TAX1BP1: variants seen among roughly 807,000 people sequenced by gnomAD.
TAX1BP1 encodes the protein tax1-binding protein 1.
In TAX1BP1, 62 loss-of-function variants were observed where a neutral mutation model predicts 97.7. That is an observed-to-expected ratio of 0.63 (90% CI 0.52 to 0.78). The LOEUF (loss-of-function observed/expected upper bound fraction) is 0.78, where lower values mean the gene tolerates loss of function less well. TAX1BP1 is among the 30% of genes least tolerant of loss of function. TAX1BP1 has a pLI of 0.00. For synonymous variants in TAX1BP1, 340 were observed against 304.2 expected (o/e 1.12, Z -1.23); for missense variants, 867 against 916.1 (o/e 0.95, Z 0.69).
In TAX1BP1 at chr7:27,816,440, A is replaced by C; in HGVS notation, c.1856A>C (p.Gln619Pro). ...CAATGTTTCAAAACATGCTCAGAGC[A>C]AAATGGTTATGTTCTCACATTGTCA... Reference protein sequence around the residue: ...SPQCFKTCSEQNGYVLTLSNA... With the variant: ...SPQCFKTCSEPNGYVLTLSNA... Residue 619 changes from glutamine to proline, a missense_variant, in exon 14 of 17, where the codon CAA becomes CCA. Around this residue, in one of 3 missense-constraint regions of TAX1BP1, gnomAD observed 822 missense variants for 851.4 expected, o/e 0.97. Transcript: ENST00000396319. 1 of 1,571,548 alleles carries C rather than the reference A, an allele frequency of 6.4e-7. No individual in the cohort carries two copies. Among genetic ancestry groups the C allele is most frequent in the Non-Finnish European group, 8.6e-7 (1 of 1,167,570 alleles).
chr7:27,789,719 T>C (rs991515762), intron 8 of TAX1BP1, among the ~76,000 whole-genome samples: 3 of 152,014 alleles, frequency 2.0e-5, no homozygotes, highest in Admixed American at 2.0e-4. Context: ...CTTATGATGT[T>C]ATTTTTAGTA....
intron 12 of TAX1BP1, among the ~76,000 whole-genome samples, chr7:27,797,862 C>CA (rs1358173300): frequency 2.8e-5 from 4 of 144,618 alleles, no homozygotes; most frequent in Admixed American, 1.4e-4. Flanking sequence ...TTTTTTTAAA[C>CA]AACCATATTG....
At chr7:27,788,623 A>G (rs1055967972) in intron 8 of TAX1BP1, among the ~76,000 whole-genome samples, 1 of 152,000 alleles carries the variant, frequency 6.6e-6, no homozygotes, top group South Asian at 2.1e-4. Flanking sequence ...TTTTTGCTGC[A>G]TATTATGCAT....
At chr7:27,805,323 G>A (rs147549981) in intron 13 of TAX1BP1, among the ~76,000 whole-genome samples, 1,985 of 152,028 alleles carry the variant, frequency 0.013, 40 homozygotes, top group African/African-American at 0.045. Context: ...TTTTTGGTTT[G>A]TTTTACTTAT....
At chr7:27,750,117 G>C (rs966156594) in intron 2 of TAX1BP1, among the ~76,000 whole-genome samples, 2 of 152,148 alleles carry the variant, frequency 1.3e-5, no homozygotes, top group African/African-American at 2.4e-5. Flanking sequence ...TTTTATGGGA[G>C]ATACTGGTAT....
chr7:27,791,856 A>G, intron 8 of TAX1BP1, 150 bp from the exon 9 acceptor site: 1 of 664,132 alleles, frequency 1.5e-6, no homozygotes, highest in East Asian at 2.7e-5. Flanking sequence ...TTACTTCTTA[A>G]GTTTTTTGTA....
chr7:27,787,700 C>T (rs897006412), intron 8 of TAX1BP1, 97 bp downstream of exon 8: 12 of 1,168,746 alleles, frequency 1.0e-5, no homozygotes, highest in Non-Finnish European at 1.3e-5. Flanking sequence ...AGCTTTTGTT[C>T]TAAAAAAGTT....
chr7:27,750,843 C>T (rs1357648837), intron 2 of TAX1BP1, among the ~76,000 whole-genome samples: 1 of 152,160 alleles, frequency 6.6e-6, no homozygotes, highest in Non-Finnish European at 1.5e-5. Flanking sequence ...CTTAATATCA[C>T]TAGTTCATGC....
At chr7:27,764,761 A>T (rs981731367) in intron 3 of TAX1BP1, among the ~76,000 whole-genome samples, 1 of 151,950 alleles carries the variant, frequency 6.6e-6, no homozygotes, top group Non-Finnish European at 1.5e-5. Flanking sequence ...GTTGATCATT[A>T]CGTTAGAAAG....
rs1782594623 is a variant in TAX1BP1 at position 27,829,008 on chromosome 7, T to C, written c.*179T>C. The C allele has an allele frequency of 2.0e-6, 1 of 488,604 alleles. No individual in the cohort carries two copies. Among genetic ancestry groups the C allele is most frequent in the Non-Finnish European group, 3.5e-6 (1 of 282,090 alleles). The allele number at this position is 488,604 out of a possible 1,614,324, so 30.3% of individuals were successfully genotyped here. On this transcript the variant is annotated 3_prime_UTR_variant, in exon 17 of 17. Coordinates refer to ENST00000396319, the MANE Select transcript of TAX1BP1 (RefSeq NM_006024.7). ...AGGATCAGGGTCAGTCTTTGGCTTA[T>C]CAATAAATTTTAATCTCTGTTAATC... is the stretch of plus-strand genomic sequence containing the variant.
rs748699408 is a variant in TAX1BP1 at position 27,758,150 on chromosome 7, G to A, written c.265+17G>A. The A allele has an allele frequency of 6.4e-7, 1 of 1,571,988 alleles. No individual in the cohort carries two copies. Among genetic ancestry groups the A allele is most frequent in the Non-Finnish European group, 8.7e-7 (1 of 1,147,488 alleles). ...CATTCCAAGGTAAGGACTGAAAACT[G>A]CAGAACTCAATGAAACTAGATGTCT... is the stretch of plus-strand genomic sequence containing the variant. On this transcript the variant is annotated intron_variant, in intron 3 of 16. Transcript: ENST00000396319.
At chr7:27,749,321 G>A (rs1180700544) in intron 2 of TAX1BP1, among the ~76,000 whole-genome samples, 1 of 152,170 alleles carries the variant, frequency 6.6e-6, no homozygotes, top group East Asian at 1.9e-4. Context: ...TCAAAATGTA[G>A]TGGAAAACCA....
Position 27,756,294 on chromosome 7 carries a change from A to G in TAX1BP1, c.163-1737A>G, listed in dbSNP as rs189327604. On this transcript the variant is annotated intron_variant, in intron 2 of 16. Transcript: ENST00000396319. Reference sequence around the variant, plus strand: ...TCCAGGTTGAGAGACTTCTACATTTATTTTTTATGTATGCCCAACATGCCC... The same window carrying G: ...TCCAGGTTGAGAGACTTCTACATTTGTTTTTTATGTATGCCCAACATGCCC... Among the ~76,000 whole-genome samples, 7 of 152,192 alleles carry G rather than the reference A, an allele frequency of 4.6e-5. No individual in the cohort carries two copies. In the East Asian group the frequency reaches 1.2e-3, roughly 25 times the overall value.
Position 27,792,233 on chromosome 7 carries a change from A to T in TAX1BP1, c.1263+3A>T, listed in dbSNP as rs897500579. 2 of 1,592,948 alleles carry T rather than the reference A, an allele frequency of 1.3e-6. No individual in the cohort carries two copies. Among genetic ancestry groups the T allele is most frequent in the Non-Finnish European group, 1.7e-6 (2 of 1,168,536 alleles). The stretch of plus-strand genomic sequence containing the variant: ...TAAATGCTATGAAAAAAGATCAGGT[A>T]AAACAAGTTAATTTTGAATTTGCAT... On this transcript the variant is annotated splice_donor_region_variant and intron_variant, in intron 9 of 16. Coordinates refer to ENST00000396319, the MANE Select transcript of TAX1BP1 (RefSeq NM_006024.7).
chr7:27,754,246 T>G (rs1408849694), intron 2 of TAX1BP1, among the ~76,000 whole-genome samples: 4 of 152,028 alleles, frequency 2.6e-5, no homozygotes, highest in African/African-American at 9.7e-5. Flanking sequence ...GTTTCTTTGT[T>G]CCTTGTTTTT....
rs573646880 is a variant in TAX1BP1 at position 27,785,529 on chromosome 7, A to G, written c.852+40A>G. The stretch of plus-strand genomic sequence containing the variant: ...ACCATATCTATTGCCTGTTGCTTCA[A>G]AAGAAATGACCCCAGAACTTAGGGG... On this transcript the variant is annotated intron_variant, in intron 7 of 16. Transcript: ENST00000396319. The G allele has an allele frequency of 3.9e-6, 6 of 1,538,674 alleles. No homozygotes were observed. In the Admixed American group the frequency reaches 1.1e-4, roughly 28 times the overall value.
At chr7:27,782,275 C>T (rs139097146) in intron 5 of TAX1BP1, among the ~76,000 whole-genome samples, 2,242 of 151,506 alleles carry the variant, frequency 0.015, 50 homozygotes, top group African/African-American at 0.052. Flanking sequence ...CTTTCTCTGT[C>T]GCCCAGGCTG....
chr7:27,767,175 A>G lies in TAX1BP1; in HGVS notation c.453+1154A>G, dbSNP rs75694305. ...GTGTTATATTTGAGTTATTGTGATT[A>G]ATTGTATATAGTGCCCTCTATTATA... On this transcript the variant is annotated intron_variant, in intron 4 of 16. Coordinates refer to ENST00000396319, the MANE Select transcript of TAX1BP1 (RefSeq NM_006024.7). Among the ~76,000 whole-genome samples the G allele has an allele frequency of 6.1e-3, 934 of 152,270 alleles. 7 individuals are homozygous for G. Among genetic ancestry groups the G allele is most frequent in the Non-Finnish European group, 0.01 (681 of 68,008 alleles).
chr7:27,777,522 C>T (rs541745652), intron 5 of TAX1BP1, among the ~76,000 whole-genome samples: 16 of 152,240 alleles, frequency 1.1e-4, no homozygotes, highest in African/African-American at 3.4e-4. Context: ...GCACTGTTCC[C>T]TGTAGTCCTT....
Sources: gnomAD v4.1 joint callset for allele counts (sites outside exome capture counted in the v4.1 genomes callset) on GRCh38, gnomAD v4.1.1 for gene constraint, gnomAD v4.1.1 regional missense constraint, MANE v1.5 for transcripts, NCBI Gene and HGNC (gene_info 2026-07-23, HGNC 2026-07-21) for gene names.